GLIS3: variants seen among roughly 807,000 people sequenced by gnomAD.
The protein encoded by GLIS3 is GLIS family zinc finger 3.
A neutral mutation model predicts 78.6 loss-of-function variants in GLIS3; 53 were observed. The observed-to-expected ratio is 0.67, with a 90% CI of 0.54 to 0.85. The LOEUF (loss-of-function observed/expected upper bound fraction) is 0.85. Among genes scored for constraint, GLIS3 ranks in the 40% least tolerant of loss-of-function variants. The pLI, the probability that GLIS3 is intolerant of heterozygous loss-of-function variation, is 0.00. For missense variants in GLIS3, 1,703 were observed against 1,231.1 expected (o/e 1.38, Z -5.74); for synonymous variants, 684 against 509.9 (o/e 1.34, Z -4.60).
chr9:3,980,011 G>C (rs1819124490), intron 4 of GLIS3, among the ~76,000 whole-genome samples: 1 of 152,114 alleles, frequency 6.6e-6, no homozygotes, highest in Non-Finnish European at 1.5e-5. Flanking sequence ...TGCCGTTTAG[G>C]AGTCTGGGGT....
intron 2 of GLIS3, among the ~76,000 whole-genome samples, chr9:4,133,054 A>G (rs1833092765): frequency 6.6e-6 from 1 of 152,198 alleles, no homozygotes; most frequent in African/African-American, 2.4e-5. Context: ...CCTTGAAAAC[A>G]TTTTTAAAGC....
At chr9:4,181,816 G>C (rs1386635466) in intron 2 of GLIS3, among the ~76,000 whole-genome samples, 1 of 152,180 alleles carries the variant, frequency 6.6e-6, no homozygotes, top group Non-Finnish European at 1.5e-5. Context: ...CCTTGAGACT[G>C]AGGGGTCACA....
the GLIS3 span, among the ~76,000 whole-genome samples, chr9:4,434,858 T>C: frequency 6.6e-6 from 1 of 152,224 alleles, no homozygotes; most frequent in Admixed American, 6.5e-5. Flanking sequence ...ACAACCCATG[T>C]GAGACCAGTG....
intron 4 of GLIS3, among the ~76,000 whole-genome samples, chr9:3,990,762 G>A (rs1301761186): frequency 6.6e-6 from 1 of 152,118 alleles, no homozygotes; most frequent in Admixed American, 6.6e-5. Context: ...TTTTCAAATA[G>A]CTAAACGTAT....
chr9:3,867,714 CTT>C (rs1491186930), intron 8 of GLIS3, among the ~76,000 whole-genome samples: 5 of 57,964 alleles, frequency 8.6e-5, no homozygotes, highest in East Asian at 6.7e-4. Flanking sequence ...TTCAACAATT[CTT>C]GTGTGTGTGT....
intron 4 of GLIS3, among the ~76,000 whole-genome samples, chr9:4,111,135 A>C (rs1367655993): frequency 6.6e-6 from 1 of 152,204 alleles, no homozygotes; most frequent in African/African-American, 2.4e-5. Context: ...ACATTCCCTT[A>C]ATCAGATCAT....
chr9:4,455,980 G>A, the GLIS3 span, among the ~76,000 whole-genome samples: 1 of 152,056 alleles, frequency 6.6e-6, no homozygotes, highest in African/African-American at 2.4e-5. Context: ...CGGGTGTGGT[G>A]TTGCACACTC....
the GLIS3 span, among the ~76,000 whole-genome samples, chr9:4,378,008 T>C: frequency 4.6e-5 from 7 of 152,306 alleles, no homozygotes; most frequent in South Asian, 6.2e-4. Flanking sequence ...GTAAAACTTA[T>C]GTGTATGAGG....
chr9:4,105,174 G>A (rs1830655649), intron 4 of GLIS3, among the ~76,000 whole-genome samples: 1 of 152,114 alleles, frequency 6.6e-6, no homozygotes, highest in South Asian at 2.1e-4. Context: ...GAGTGAAAAT[G>A]AAGGCAGAAA....
chr9:3,946,606 T>C (rs1816311452), intron 4 of GLIS3, among the ~76,000 whole-genome samples: 1 of 152,152 alleles, frequency 6.6e-6, no homozygotes, highest in Non-Finnish European at 1.5e-5. Context: ...CAACATATGG[T>C]TGTATTTTTG....
At chr9:3,990,073 G>C (rs990362444) in intron 4 of GLIS3, among the ~76,000 whole-genome samples, 23 of 152,202 alleles carry the variant, frequency 1.5e-4, no homozygotes, top group African/African-American at 5.5e-4. Context: ...ACACTTGAAA[G>C]CTGTCACAAT....
At chr9:3,839,885 C>T (rs190672083) in intron 9 of GLIS3, among the ~76,000 whole-genome samples, 4 of 152,282 alleles carry the variant, frequency 2.6e-5, no homozygotes, top group African/African-American at 4.8e-5. Flanking sequence ...ATCACCTAAT[C>T]ACTGAAAAAT....
chr9:4,309,651 G>A (rs999421562), intron 3 of GLIS3, among the ~76,000 whole-genome samples: 2 of 152,192 alleles, frequency 1.3e-5, no homozygotes, highest in African/African-American at 2.4e-5. Context: ...TTTGATGACT[G>A]ATTTACATAC....
intron 4 of GLIS3, among the ~76,000 whole-genome samples, chr9:3,998,633 GAATT>G (rs745499526): frequency 1.3e-5 from 2 of 151,386 alleles, no homozygotes; most frequent in Non-Finnish European, 1.5e-5. Context: ...AAAATAGTGT[GAATT>G]AATTAATTGC....
the GLIS3 span, among the ~76,000 whole-genome samples, chr9:4,475,810 A>T: frequency 2.0e-5 from 3 of 152,232 alleles, no homozygotes; most frequent in Non-Finnish European, 4.4e-5. Context: ...AAACACTAAT[A>T]GATAATTAGT....
the GLIS3 span, among the ~76,000 whole-genome samples, chr9:4,470,408 G>T: frequency 6.6e-6 from 1 of 152,154 alleles, no homozygotes; most frequent in Non-Finnish European, 1.5e-5. Context: ...TATCCACCAC[G>T]ATCAAGTTGG....
chr9:4,206,011 T>A (rs1819847979), intron 2 of GLIS3, among the ~76,000 whole-genome samples: 3 of 152,202 alleles, frequency 2.0e-5, no homozygotes, highest in African/African-American at 4.8e-5. Flanking sequence ...GCAAGATACC[T>A]GAATCTGATT....
chr9:3,871,045 T>C (rs1460623856), intron 8 of GLIS3, among the ~76,000 whole-genome samples: 1 of 152,186 alleles, frequency 6.6e-6, no homozygotes, highest in Admixed American at 6.5e-5. Context: ...ATGGGAGGAA[T>C]TGGCCAAAAC....
intron 2 of GLIS3, among the ~76,000 whole-genome samples, chr9:4,322,145 T>G (rs1817538678): frequency 6.6e-6 from 1 of 152,164 alleles, no homozygotes; most frequent in Non-Finnish European, 1.5e-5. Context: ...TTTCCATCCT[T>G]GTGATAGTTT....
Sources: allele counts gnomAD v4.1 joint callset (sites outside exome capture counted in the v4.1 genomes callset), GRCh38; gene constraint gnomAD v4.1.1; transcripts MANE v1.5; gene names NCBI Gene and HGNC (gene_info 2026-07-23, HGNC 2026-07-21).